Variants in IRF6 observed in about 807,000 individuals in gnomAD.
The protein encoded by IRF6 is Van der Woude syndrome.
A neutral mutation model predicts 51.4 loss-of-function variants in IRF6; 6 were observed. The observed-to-expected ratio is 0.12, with a 90% CI of 0.06 to 0.23. IRF6 has a LOEUF of 0.23. Ranked by LOEUF, IRF6 falls within the 10% of genes least tolerant of loss-of-function variation. IRF6 has a pLI of 1.00. For missense variants in IRF6, 348 were observed against 585.2 expected (o/e 0.59, Z 4.18); for synonymous variants, 178 against 215.7 (o/e 0.83, Z 1.53).
In IRF6 at chr1:209,790,285, C is replaced by T. The variant is rs950385735; in HGVS notation, c.1060+210G>A. On this transcript the variant is annotated intron_variant, in intron 7 of 8. Coordinates refer to ENST00000367021, the MANE Select transcript of IRF6 (RefSeq NM_006147.4). The surrounding 1 kb of genome is among the most constrained non-coding windows in gnomAD (Gnocchi z 4.8). ...CCAACTTAAAAATAGCTTCCAAGTA[C>T]ATAGCTTTGGAGTGAAACTCCCTTC... Among the ~76,000 whole-genome samples, 1 of 152,230 alleles carries T rather than the reference C, an allele frequency of 6.6e-6. No homozygotes were observed.
At chr1:209,802,801 G>A (rs577417156) in intron 1 of IRF6, among the ~76,000 whole-genome samples, 9 of 152,306 alleles carry the variant, frequency 5.9e-5, no homozygotes, top group African/African-American at 2.2e-4. Flanking sequence ...ACTGTGCCAG[G>A]TGGGAAAGAA....
intron 5 of IRF6, chr1:209,792,753 C>T: frequency 8.4e-6 from 3 of 355,654 alleles, no homozygotes; most frequent in Non-Finnish European, 1.0e-5. Flanking sequence ...TTGGCCCCAG[C>T]AATTAAATAG....
At chr1:209,800,817 G>T (rs1230475443) in intron 3 of IRF6, among the ~76,000 whole-genome samples, 2 of 152,114 alleles carry the variant, frequency 1.3e-5, no homozygotes, top group African/African-American at 4.8e-5. Flanking sequence ...AATCACATAG[G>T]CTATACTGCG....
At chr1:209,791,335 A>G (rs1344228118) in intron 6 of IRF6, among the ~76,000 whole-genome samples, 6 of 152,260 alleles carry the variant, frequency 3.9e-5, no homozygotes, top group Admixed American at 2.6e-4. Context: ...GAACACACAC[A>G]CTGGGGATCT....
Position 209,786,925 on chromosome 1 carries a change from CA to C in IRF6, c.*1494del, listed in dbSNP as rs1423471281. On this transcript the variant is annotated 3_prime_UTR_variant, in exon 9 of 9. Transcript: ENST00000367021. ...CTATGTCCCGACACAGACAGATAGG[CA>C]TCACTATTCAAGAGGACTGGGGCTT... is the stretch of plus-strand genomic sequence containing the variant. 1 of 152,186 alleles carries C rather than the reference CA, an allele frequency of 6.6e-6. No individual in the cohort carries two copies. Among genetic ancestry groups the C allele is most frequent in the African/African-American group, 2.4e-5 (1 of 41,440 alleles). The allele number at this position is 152,186 out of a possible 1,614,324, so 9.4% of individuals were successfully genotyped here.
intron 8 of IRF6, 130 bp from the exon 9 acceptor site, chr1:209,788,774 G>T (rs907677858): frequency 2.7e-6 from 2 of 727,406 alleles, no homozygotes; most frequent in South Asian, 3.0e-5. Flanking sequence ...CTAAATATAG[G>T]ATATGCCTTC....
intron 5 of IRF6, 84 bp downstream of exon 5, chr1:209,795,206 T>C (rs2102541443): frequency 6.8e-7 from 1 of 1,476,084 alleles, no homozygotes; most frequent in South Asian, 1.1e-5. Flanking sequence ...TTCAGGGCAG[T>C]GGTGGCCAAT....
At chr1:209,802,066 C>G (rs1409836924) in intron 1 of IRF6, 23 bp from the exon 2 acceptor site, 1 of 152,188 alleles carries the variant, frequency 6.6e-6, no homozygotes, top group African/African-American at 2.4e-5. Context: ...AAGGAGGGGT[C>G]TCAGCTGGCT....
rs1376782461 is a variant in IRF6 at position 209,788,131 on chromosome 1, T to C, written c.*289A>G. The C allele has an allele frequency of 1.4e-5, 6 of 443,208 alleles. No individual in the cohort carries two copies. Among genetic ancestry groups the C allele is most frequent in the East Asian group, 1.4e-4 (3 of 22,174 alleles). 27.5% of individuals were successfully genotyped at this position (443,208 alleles called of 1,614,324 possible). The stretch of plus-strand genomic sequence containing the variant: ...GTTAAAGGACTTGTTCAAGGTCACA[T>C]TGGAAGCAAAGCTGCAGCTAGAACT... On this transcript the variant is annotated 3_prime_UTR_variant, in exon 9 of 9. Transcript: ENST00000367021.
chr1:209,791,012 A>G (rs1443015356), intron 6 of IRF6, 125 bp from the exon 7 acceptor site: 1 of 1,580,596 alleles, frequency 6.3e-7, no homozygotes, highest in East Asian at 2.2e-5. Flanking sequence ...CCACTGCCAT[A>G]GTTATCCTTC....
At chr1:209,789,999 T>C (rs1343640826) in intron 7 of IRF6, among the ~76,000 whole-genome samples, 2 of 152,220 alleles carry the variant, frequency 1.3e-5, no homozygotes, top group Non-Finnish European at 2.9e-5. Context: ...CACAAATATA[T>C]TGAACAGTAC....
intron 1 of IRF6, among the ~76,000 whole-genome samples, chr1:209,802,498 G>A (rs1237691544): frequency 6.6e-6 from 1 of 152,200 alleles, no homozygotes; most frequent in Admixed American, 6.5e-5. Flanking sequence ...GGATTTTTTG[G>A]TGTTCTTATT....
chr1:209,790,488 G>A lies in IRF6; in HGVS notation c.1060+7C>T, dbSNP rs1342849499. The A allele has an allele frequency of 6.2e-7, 1 of 1,613,388 alleles. No individual in the cohort carries two copies. The highest frequency in any genetic ancestry group is 8.5e-7 in the Non-Finnish European group (1 of 1,179,924). ...TCCCACGATCAACTTTCTGAGAAAT[G>A]ACTTACCGCTAAGGAATGTTTCCAG... is the stretch of plus-strand genomic sequence containing the variant. On this transcript the variant is annotated splice_region_variant and intron_variant, in intron 7 of 8. Transcript: ENST00000367021. The surrounding 1 kb of genome is among the most constrained non-coding windows in gnomAD (Gnocchi z 4.8).
At position 209,796,743 on chromosome 1, in the gene IRF6, C is replaced by T. The variant is rs1197882982; in HGVS notation, c.175-191G>A. The stretch of plus-strand genomic sequence containing the variant: ...AGAGACTGCAGCAGGAAACACTGCC[C>T]TTAGGACCAGGCAAGACAGGTGCCT... On this transcript the variant is annotated intron_variant, in intron 3 of 8. Transcript: ENST00000367021. The surrounding 1 kb of genome is among the most constrained non-coding windows in gnomAD (Gnocchi z 4.5). Among the ~76,000 whole-genome samples the T allele has an allele frequency of 6.6e-6, 1 of 151,782 alleles. No homozygotes were observed. The highest frequency in any genetic ancestry group is 1.5e-5 in the Non-Finnish European group (1 of 67,982).
At position 209,786,475 on chromosome 1, in the gene IRF6, A is replaced by G. The variant is rs1392565286; in HGVS notation, c.*1945T>C. The G allele has an allele frequency of 1.3e-5, 2 of 152,196 alleles. No individual in the cohort carries two copies. The highest frequency in any genetic ancestry group is 2.9e-5 in the Non-Finnish European group (2 of 68,042). 9.4% of individuals were successfully genotyped at this position (152,196 alleles called of 1,614,324 possible). ...AGGGATATAGACTGGCCCAGATTCA[A>G]GAGCTGCCCTTCTAATTTACCTACA... is the stretch of plus-strand genomic sequence containing the variant. On this transcript the variant is annotated 3_prime_UTR_variant, in exon 9 of 9. Transcript: ENST00000367021.
chr1:209,796,254 G>A lies in IRF6; in HGVS notation c.379+94C>T, dbSNP rs2077900495. On this transcript the variant is annotated intron_variant, in intron 4 of 8. Coordinates refer to ENST00000367021, the MANE Select transcript of IRF6 (RefSeq NM_006147.4). The surrounding 1 kb of genome is among the most constrained non-coding windows in gnomAD (Gnocchi z 4.5). ...TCTTGCTTTATCCATCTTAAACTGT[G>A]TAAATCAGGCTGTTTTCAAGTTGAC... 8 of 1,053,780 alleles carry A rather than the reference G, an allele frequency of 7.6e-6. No individual in the cohort carries two copies. Among genetic ancestry groups the A allele is most frequent in the East Asian group, 7.4e-5 (3 of 40,754 alleles). The allele number at this position is 1,053,780 out of a possible 1,614,324, so 65.3% of individuals were successfully genotyped here.
intron 3 of IRF6, among the ~76,000 whole-genome samples, chr1:209,797,143 C>T (rs550314166): frequency 2.6e-5 from 4 of 151,996 alleles, no homozygotes; most frequent in African/African-American, 4.8e-5. Flanking sequence ...GAGGCCAAGC[C>T]GGGTGGATCA....
At chr1:209,802,903 C>A (rs1165820521) in intron 1 of IRF6, among the ~76,000 whole-genome samples, 4 of 152,234 alleles carry the variant, frequency 2.6e-5, no homozygotes, top group African/African-American at 9.7e-5. Context: ...CAGCCAGACT[C>A]CCAACAAATG....
intron 4 of IRF6, among the ~76,000 whole-genome samples, chr1:209,795,771 T>C (rs2077897572): frequency 6.6e-6 from 1 of 152,236 alleles, no homozygotes; most frequent in African/African-American, 2.4e-5. Context: ...CTTGTCACTA[T>C]TATATGTACC....
Sources: allele counts gnomAD v4.1 joint callset (sites outside exome capture counted in the v4.1 genomes callset), GRCh38; gene constraint gnomAD v4.1.1; non-coding constraint Gnocchi (gnomAD v3.1); transcripts MANE v1.5; gene names NCBI Gene and HGNC (gene_info 2026-07-23, HGNC 2026-07-21).